Variants in NCOR1 observed in about 807,000 individuals in gnomAD.
The protein encoded by NCOR1 is nuclear receptor corepressor 1, also known as protein phosphatase 1, regulatory subunit 109.
NCOR1 carries 63 observed loss-of-function variants against 288.1 expected under a neutral mutation model. The ratio of observed to expected loss-of-function variants is 0.22; its 90% confidence interval spans 0.18 to 0.27. NCOR1 has a LOEUF of 0.27. NCOR1 is among the 10% of genes least tolerant of loss of function. NCOR1 has a pLI of 1.00. For synonymous variants in NCOR1, 1,007 were observed against 1,065.9 expected (o/e 0.94, Z 1.08); for missense variants, 2,397 against 3,019.2 (o/e 0.79, Z 4.83).
intron 6 of NCOR1, among the ~76,000 whole-genome samples, chr17:16,156,254 G>A (rs1416528259): frequency 2.6e-5 from 4 of 151,850 alleles, no homozygotes; most frequent in Non-Finnish European, 4.4e-5. Context: ...TGGCCAACAC[G>A]GTAAAACCCC....
At chr17:16,067,331 G>C (rs1469064725) in intron 32 of NCOR1, among the ~76,000 whole-genome samples, 3 of 152,186 alleles carry the variant, frequency 2.0e-5, no homozygotes, top group Non-Finnish European at 4.4e-5. Context: ...AAAACTAACA[G>C]CTTTGGAAAG....
At chr17:16,144,902 G>A (rs1051615291) in intron 10 of NCOR1, among the ~76,000 whole-genome samples, 3 of 140,252 alleles carry the variant, frequency 2.1e-5, no homozygotes, top group African/African-American at 8.2e-5. Flanking sequence ...CGCTTTCCAC[G>A]GTCTCCCCTC....
chr17:16,185,657 T>A (rs528926718), intron 3 of NCOR1, among the ~76,000 whole-genome samples: 1 of 111,432 alleles, frequency 9.0e-6, no homozygotes, highest in African/African-American at 3.5e-5. Context: ...CACTCCAGCC[T>A]GGGTGACAAG....
rs1410236057 is a variant in NCOR1 at position 16,095,587 on chromosome 17, G to A, written c.2820+2780C>T. Among the ~76,000 whole-genome samples the A allele has an allele frequency of 6.8e-5, 5 of 73,138 alleles. 1 individual carries two copies. The highest frequency in any genetic ancestry group is 1.6e-4 in the African/African-American group (3 of 18,554). The allele number at this position is 73,138 out of a possible 152,430, so 48.0% of individuals were successfully genotyped here. A position where few individuals can be genotyped will look rare whatever the true frequency, so the allele number is the denominator to read the frequency against. On this transcript the variant is annotated intron_variant, in intron 21 of 45. Transcript: ENST00000268712. Reference sequence around the variant, plus strand: ...CAGCCGCCCCGTACAGGAGGTGAGGGTCGCCTCTGCCCGGCCGCCCCTACT... The same window carrying A: ...CAGCCGCCCCGTACAGGAGGTGAGGATCGCCTCTGCCCGGCCGCCCCTACT...
intron 21 of NCOR1, among the ~76,000 whole-genome samples, chr17:16,093,826 C>T (rs2065845371): frequency 6.6e-6 from 1 of 152,104 alleles, no homozygotes; most frequent in Non-Finnish European, 1.5e-5. Context: ...GAAGACACTC[C>T]CTCTTCTCCA....
chr17:16,083,974 TTTTC>T (rs1338010764), intron 23 of NCOR1: 1 of 152,194 alleles, frequency 6.6e-6, no homozygotes, highest in African/African-American at 2.4e-5. Flanking sequence ...GCAGAATTTT[TTTTC>T]TTTAAGTAGA....
In NCOR1 at chr17:16,167,502, G is replaced by A. The variant is rs1316383223; in HGVS notation, c.436-2341C>T. On this transcript the variant is annotated intron_variant, in intron 4 of 45. Transcript: ENST00000268712. ...ATTCACATTATCTTGGGTTCAGGAA[G>A]GCCAAAAGCAAAAGATATAAAAGAC... Among the ~76,000 whole-genome samples the A allele has an allele frequency of 9.9e-5, 15 of 151,852 alleles. 1 individual carries two copies. The South Asian group carries it at 3.1e-3, about 32-fold the overall frequency.
At position 16,032,097 on chromosome 17, in the gene NCOR1, G is replaced by C. The variant is rs2151748717; in HGVS notation, c.*199C>G. Reference sequence around the variant, plus strand: ...AGTCCACTGAATTGCCTGTATCAAAGGCAGTTTTTTGTTTGTTTTTTTCCC... The same window carrying C: ...AGTCCACTGAATTGCCTGTATCAAACGCAGTTTTTTGTTTGTTTTTTTCCC... On this transcript the variant is annotated 3_prime_UTR_variant, in exon 46 of 46. Coordinates refer to ENST00000268712, the MANE Select transcript of NCOR1 (RefSeq NM_006311.4). 2 of 546,104 alleles carry C rather than the reference G, an allele frequency of 3.7e-6. No individual in the cohort carries two copies. Among genetic ancestry groups the C allele is most frequent in the Non-Finnish European group, 6.2e-6 (2 of 321,398 alleles). 33.8% of individuals were successfully genotyped at this position (546,104 alleles called of 1,614,324 possible).
intron 40 of NCOR1, among the ~76,000 whole-genome samples, chr17:16,055,283 A>G (rs993350268): frequency 2.0e-5 from 3 of 152,272 alleles, no homozygotes; most frequent in African/African-American, 7.2e-5. Flanking sequence ...CCAAATGCCC[A>G]TCAGTGATTG....
chr17:16,157,965 C>T (rs2080083124), intron 6 of NCOR1, among the ~76,000 whole-genome samples: 1 of 151,776 alleles, frequency 6.6e-6, no homozygotes. Flanking sequence ...CAAAATCTAC[C>T]TTGAACTTTG....
At chr17:16,194,842 C>A (rs975754561) in intron 1 of NCOR1, among the ~76,000 whole-genome samples, 1 of 151,914 alleles carries the variant, frequency 6.6e-6, no homozygotes, top group Admixed American at 6.6e-5. Context: ...TAATATGTGA[C>A]AAATAATATA....
chr17:16,032,155 T>A lies in NCOR1; in HGVS notation c.*141A>T, dbSNP rs1402281356. ...TCTCCAAATGAACTTCCATCATTTC[T>A]TCATCATCTGTGGGCTGGCTCTCCT... On this transcript the variant is annotated 3_prime_UTR_variant, in exon 46 of 46. Transcript: ENST00000268712. 2 of 837,148 alleles carry A rather than the reference T, an allele frequency of 2.4e-6. No individual in the cohort carries two copies. Among genetic ancestry groups the A allele is most frequent in the Non-Finnish European group, 3.5e-6 (2 of 577,852 alleles). 51.9% of individuals were successfully genotyped at this position (837,148 alleles called of 1,614,324 possible). A position where few individuals can be genotyped will look rare whatever the true frequency, so the allele number is the denominator to read the frequency against.
At chr17:16,065,883 C>T (rs1219193120) in intron 32 of NCOR1, 189 bp from the exon 33 acceptor site, 1 of 586,944 alleles carries the variant, frequency 1.7e-6, no homozygotes, top group African/African-American at 1.9e-5. Flanking sequence ...ATTCTAATGT[C>T]TAAGATGTAA....
At chr17:16,061,926 A>G (rs773455782) in intron 36 of NCOR1, 32 bp from the exon 37 acceptor site, 1 of 1,575,244 alleles carries the variant, frequency 6.3e-7, no homozygotes. Flanking sequence ...AGCTCTGTGA[A>G]GGGAAGACCA....
intron 4 of NCOR1, among the ~76,000 whole-genome samples, chr17:16,169,631 G>A (rs1257203220): frequency 9.4e-6 from 1 of 106,948 alleles, no homozygotes; most frequent in East Asian, 2.0e-4. Flanking sequence ...TTTCAACTCA[G>A]GAGTTACTAA....
At chr17:16,212,964 T>G (rs1344897479) in intron 1 of NCOR1, among the ~76,000 whole-genome samples, 1 of 150,624 alleles carries the variant, frequency 6.6e-6, no homozygotes, top group Middle Eastern at 3.2e-3. Flanking sequence ...TCCCAGCGAC[T>G]TGGGAGGCTG....
chr17:16,131,026 TCGC>T (rs2075542531), intron 14 of NCOR1, among the ~76,000 whole-genome samples: 1 of 145,190 alleles, frequency 6.9e-6, no homozygotes, highest in African/African-American at 2.6e-5. Flanking sequence ...TCTCCTTCTG[TCGC>T]CCAGGCTGGA....
intron 2 of NCOR1, among the ~76,000 whole-genome samples, chr17:16,191,481 A>T (rs766042607): frequency 6.6e-6 from 1 of 152,252 alleles, no homozygotes; most frequent in Non-Finnish European, 1.5e-5. Context: ...ATCAAAAATG[A>T]AATCCATCTG....
chr17:16,093,744 A>G (rs982544098), intron 21 of NCOR1, among the ~76,000 whole-genome samples: 1 of 152,190 alleles, frequency 6.6e-6, no homozygotes, highest in Non-Finnish European at 1.5e-5. Flanking sequence ...CTTTTGCTAT[A>G]ACGCCAAATG....
Sources: allele counts gnomAD v4.1 joint callset (sites outside exome capture counted in the v4.1 genomes callset), GRCh38; gene constraint gnomAD v4.1.1; transcripts MANE v1.5; gene names NCBI Gene and HGNC (gene_info 2026-07-23, HGNC 2026-07-21).